Variants in NPAS2 observed in about 807,000 individuals in gnomAD.
NPAS2 encodes neuronal PAS domain protein 2.
Under a neutral mutation model 107.5 loss-of-function variants are expected in NPAS2, and 23 were observed. The ratio of observed to expected loss-of-function variants is 0.21; its 90% CI spans 0.15 to 0.30. The LOEUF (loss-of-function observed/expected upper bound fraction) is 0.30, where lower values mean the gene tolerates loss of function less well. Among genes scored for constraint, NPAS2 ranks in the 10% least tolerant of loss-of-function variants. The pLI is 1.00. For synonymous variants in NPAS2, 403 were observed against 417.5 expected (o/e 0.97, Z 0.42); for missense variants, 756 against 1,043.3 (o/e 0.72, Z 3.79).
At chr2:100,974,745 C>T in intron 12 of NPAS2, 58 bp from the exon 13 acceptor site, 1 of 1,560,528 alleles carries the variant, frequency 6.4e-7, no homozygotes, top group Non-Finnish European at 8.7e-7. Flanking sequence ...TAAAGTCACG[C>T]CCACTGATTC....
chr2:100,870,778 C>T (rs72627423), intron 1 of NPAS2, among the ~76,000 whole-genome samples: 10,277 of 152,242 alleles, frequency 0.068, 723 homozygotes, highest in East Asian at 0.34. Context: ...ACACCCCCAA[C>T]CAGCACTATG....
chr2:100,820,964 T>G lies in NPAS2; in HGVS notation c.-23+550T>G. 8 of 1,083,822 alleles carry G rather than the reference T, an allele frequency of 7.4e-6. No homozygotes were observed. Among genetic ancestry groups the G allele is most frequent in the Non-Finnish European group, 9.9e-6 (8 of 810,076 alleles). The allele number at this position is 1,083,822 out of a possible 1,614,324, so 67.1% of individuals were successfully genotyped here. ...CCAACCCCCGTGTGCGCAGACAGCG[T>G]GCAGCCTGGCTCCTCACGTCGCTGC... On this transcript the variant is annotated intron_variant, in intron 1 of 20. Coordinates refer to ENST00000335681, the MANE Select transcript of NPAS2 (RefSeq NM_002518.4). This position sits in a 1 kb window ranked among gnomAD's most constrained non-coding sequence, Gnocchi z 5.6.
chr2:100,924,401 G>A (rs1298892521), intron 2 of NPAS2, among the ~76,000 whole-genome samples: 1 of 152,180 alleles, frequency 6.6e-6, no homozygotes, highest in Non-Finnish European at 1.5e-5. Context: ...CTAACCCCTA[G>A]CAACCACTGA....
At chr2:100,978,344 T>A (rs931136826) in intron 15 of NPAS2, among the ~76,000 whole-genome samples, 1 of 152,206 alleles carries the variant, frequency 6.6e-6, no homozygotes, top group Non-Finnish European at 1.5e-5. Context: ...TCTGTTTTTT[T>A]AATTCTTTTA....
chr2:100,922,931 T>A (rs543804065), intron 2 of NPAS2, among the ~76,000 whole-genome samples: 6 of 152,202 alleles, frequency 3.9e-5, no homozygotes, highest in Non-Finnish European at 8.8e-5. Context: ...CTGGGTGTTA[T>A]CAGCTCACAA....
upstream of NPAS2, among the ~76,000 whole-genome samples, chr2:100,819,232 G>T (rs1228459395): frequency 6.6e-6 from 1 of 152,100 alleles, no homozygotes; most frequent in African/African-American, 2.4e-5. The surrounding 1 kb of genome is among the most constrained non-coding windows in gnomAD (Gnocchi z 5.8). Context: ...AAGGAGAGGA[G>T]GGCAGCGGAG....
intron 1 of NPAS2, among the ~76,000 whole-genome samples, chr2:100,834,093 G>A (rs1188928663): frequency 6.6e-6 from 1 of 152,112 alleles, no homozygotes; most frequent in African/African-American, 2.4e-5. Context: ...CCTGGAGCTT[G>A]CCCGGCACCG....
chr2:100,879,174 A>G (rs1354378374), intron 1 of NPAS2, among the ~76,000 whole-genome samples: 1 of 152,178 alleles, frequency 6.6e-6, no homozygotes, highest in East Asian at 1.9e-4. Context: ...ATAGATCTCC[A>G]GGGCACATGT....
At chr2:100,882,384 C>A (rs374750178) in intron 1 of NPAS2, among the ~76,000 whole-genome samples, 1 of 152,010 alleles carries the variant, frequency 6.6e-6, no homozygotes, top group East Asian at 1.9e-4. Context: ...CCAAGGTGGG[C>A]GGATCACAAG....
At chr2:100,995,214 T>G in intron 20 of NPAS2, 186 bp from the exon 21 acceptor site, 1 of 506,190 alleles carries the variant, frequency 2.0e-6, no homozygotes, top group Non-Finnish European at 3.4e-6. Flanking sequence ...CACCCTAAGG[T>G]TCCCTTAGTC....
intron 15 of NPAS2, among the ~76,000 whole-genome samples, chr2:100,981,567 G>A (rs12616700): frequency 2.6e-5 from 4 of 152,158 alleles, no homozygotes; most frequent in Admixed American, 1.3e-4. Context: ...AACAATCACC[G>A]TGTCTTTACC....
chr2:100,992,540 T>C (rs1573817985), intron 19 of NPAS2, among the ~76,000 whole-genome samples: 1 of 152,206 alleles, frequency 6.6e-6, no homozygotes, highest in East Asian at 1.9e-4. Flanking sequence ...TGTTTAAAAG[T>C]GTGTAGCCCC....
chr2:100,907,313 C>A (rs1416628654), intron 2 of NPAS2, among the ~76,000 whole-genome samples: 2 of 152,038 alleles, frequency 1.3e-5, no homozygotes, highest in Non-Finnish European at 2.9e-5. Flanking sequence ...TTGCTTTGGG[C>A]CATAAGCATA....
chr2:100,939,662 C>G (rs1156954052), intron 5 of NPAS2, among the ~76,000 whole-genome samples: 1 of 152,144 alleles, frequency 6.6e-6, no homozygotes, highest in Non-Finnish European at 1.5e-5. Flanking sequence ...CGAAAGCAAC[C>G]ACACGTGGCC....
chr2:100,967,406 T>G (rs1439568857), intron 10 of NPAS2, among the ~76,000 whole-genome samples: 1 of 151,868 alleles, frequency 6.6e-6, no homozygotes, highest in Non-Finnish European at 1.5e-5. Flanking sequence ...TTTTGTATTT[T>G]TAGTAGAGAT....
chr2:100,972,107 C>G (rs945714706), intron 12 of NPAS2, among the ~76,000 whole-genome samples: 1 of 152,038 alleles, frequency 6.6e-6, no homozygotes, highest in Non-Finnish European at 1.5e-5. Flanking sequence ...ACCACCACAC[C>G]TGGCTAATTT....
At chr2:100,979,502 A>ATATATAT in intron 15 of NPAS2, among the ~76,000 whole-genome samples, 1 of 43,318 alleles carries the variant, frequency 2.3e-5, no homozygotes, top group Non-Finnish European at 4.2e-5. Flanking sequence ...ATATATATAT[A>ATATATAT]TTTTTTTTTT....
At chr2:100,927,773 C>T (rs1381124867) in intron 3 of NPAS2, among the ~76,000 whole-genome samples, 1 of 152,168 alleles carries the variant, frequency 6.6e-6, no homozygotes, top group Non-Finnish European at 1.5e-5. Flanking sequence ...CTCCCTTTTC[C>T]TCTCCTTCAA....
chr2:100,941,278 G>C (rs960541071), intron 5 of NPAS2, among the ~76,000 whole-genome samples: 1 of 152,226 alleles, frequency 6.6e-6, no homozygotes, highest in Non-Finnish European at 1.5e-5. Flanking sequence ...TTTAAGATGA[G>C]AACTGGCAGG....
Sources: allele counts gnomAD v4.1 joint callset (sites outside exome capture counted in the v4.1 genomes callset), GRCh38; gene constraint gnomAD v4.1.1; non-coding constraint Gnocchi (gnomAD v3.1); transcripts MANE v1.5; gene names NCBI Gene and HGNC (gene_info 2026-07-23, HGNC 2026-07-21).